Variants in NLRP7 observed in about 807,000 individuals in gnomAD.
The protein encoded by NLRP7 is NLR family pyrin domain containing 7.
A neutral mutation model predicts 85.5 loss-of-function variants in NLRP7; 72 were observed. That is an observed-to-expected ratio of 0.84 (90% CI 0.70 to 1.02). The LOEUF (loss-of-function observed/expected upper bound fraction) is 1.02. NLRP7 is among the 50% of genes least tolerant of loss of function. The pLI is 0.00. For synonymous variants in NLRP7, 550 were observed against 505.2 expected, an observed-to-expected ratio of 1.09 and a Z score of -1.19; for missense variants, 1,243 against 1,219.5, an observed-to-expected ratio of 1.02 and a Z score of -0.29.
intron 9 of NLRP7, among the ~76,000 whole-genome samples, chr19:54,926,060 C>T (rs2068422660): frequency 7.2e-6 from 1 of 139,244 alleles, no homozygotes; most frequent in Admixed American, 7.1e-5. Flanking sequence ...AAGACTCCGT[C>T]TCAAAAAAAA....
intron 1 of NLRP7, among the ~76,000 whole-genome samples, chr19:54,960,026 C>G (rs866901328): frequency 3.3e-5 from 5 of 151,944 alleles, no homozygotes; most frequent in South Asian, 2.1e-4. Flanking sequence ...TCAGTTCATC[C>G]GATACTCTGT....
chr19:54,961,759 C>T (rs957793391), intron 1 of NLRP7, among the ~76,000 whole-genome samples: 30 of 151,504 alleles, frequency 2.0e-4, no homozygotes, highest in African/African-American at 7.0e-4. Flanking sequence ...TTGCAGTGAG[C>T]CGAGACCACA....
At chr19:54,941,748 G>A in exon 2 of NLRP7, 2 of 1,589,092 alleles carry the variant, frequency 1.3e-6, no homozygotes, top group Non-Finnish European at 8.5e-7. Flanking sequence ...TAAGGCTGAA[G>A]AACTGGGGGG....
Position 54,955,066 on chromosome 19 carries a change from G to A in NLRP7, c.-76-7561C>T, listed in dbSNP as rs540636584. ...TTGGTGGCCGGGCGCGGTGGCTCAC[G>A]CCTGCAATCCCAGCACTTTGGGAGG... On this transcript the variant is annotated intron_variant, in intron 1 of 2. Transcript: ENST00000587103. 3.3e-5 allele frequency among the ~76,000 whole-genome samples: 5 copies of A among 152,222 alleles called. No individual in the cohort carries two copies. In the East Asian group the frequency reaches 7.7e-4, roughly 24 times the overall value.
At chr19:54,956,641 C>T (rs1336465737) in intron 1 of NLRP7, among the ~76,000 whole-genome samples, 1 of 150,630 alleles carries the variant, frequency 6.6e-6, no homozygotes, top group East Asian at 2.0e-4. Flanking sequence ...TTGCAGTGAG[C>T]TGAGATTGTG....
chr19:54,945,321 CT>C (rs543680028), intron 1 of NLRP7, among the ~76,000 whole-genome samples: 358 of 150,550 alleles, frequency 2.4e-3, no homozygotes, highest in African/African-American at 7.9e-3. Flanking sequence ...GTCGCCCAGG[CT>C]GGAGTGCAAT....
chr19:54,937,355 T>A (rs2146205920), intron 5 of NLRP7, among the ~76,000 whole-genome samples: 1 of 151,936 alleles, frequency 6.6e-6, no homozygotes, highest in South Asian at 2.1e-4. Flanking sequence ...CCTGTACTTG[T>A]ACCTACTTTT....
intron 9 of NLRP7, among the ~76,000 whole-genome samples, chr19:54,924,094 A>T (rs1016270014): frequency 6.6e-6 from 1 of 152,050 alleles, no homozygotes; most frequent in East Asian, 1.9e-4. Flanking sequence ...CAGGCTCCTG[A>T]GTAACTGTGA....
intron 3 of NLRP7, 93 bp downstream of exon 3, chr19:54,940,838 A>C: frequency 1.1e-6 from 1 of 899,004 alleles, no homozygotes; most frequent in Non-Finnish European, 1.9e-6. Context: ...AAAAAAAAAA[A>C]AACTACCAGA....
chr19:54,952,230 C>CCCCT (rs144485880), upstream of NLRP7, among the ~76,000 whole-genome samples: 3,388 of 152,126 alleles, frequency 0.022, 59 homozygotes, highest in East Asian at 0.04. Flanking sequence ...GAGAACACTG[C>CCCCT]GTCTTCATGC....
chr19:54,935,965 G>A lies in NLRP7; in HGVS notation c.2300+296C>T, dbSNP rs113834585. Among the ~76,000 whole-genome samples the A allele has an allele frequency of 8.4e-3, 1,272 of 152,220 alleles. 6 individuals are homozygous for A. Among genetic ancestry groups the A allele is most frequent in the Middle Eastern group, 0.014 (4 of 294 alleles). On this transcript the variant is annotated intron_variant, in intron 6 of 9. Transcript: ENST00000340844. ...GCCCGCGGTGCAGAAAAGGCTGGGG[G>A]CCACTGCTCTCAATCCCAACAATTA...
In NLRP7 at chr19:54,930,768, T is replaced by A. The variant is rs541773728; in HGVS notation, c.2643-102A>T. The A allele has an allele frequency of 4.2e-6, 4 of 961,492 alleles. No homozygotes were observed. The South Asian group carries it at 5.3e-5, about 13-fold the overall frequency. 59.6% of individuals were successfully genotyped at this position (961,492 alleles called of 1,614,324 possible). On this transcript the variant is annotated intron_variant, in intron 8 of 9. Coordinates refer to ENST00000340844, the Ensembl canonical transcript of NLRP7. ...TATACCTTCCACTTATATACTGGAA[T>A]GCAGTGCTGCACTCTTGGCTCACTG...
chr19:54,965,049 C>T (rs2146301868), intron 1 of NLRP7: 1 of 103,158 alleles, frequency 9.7e-6, no homozygotes, highest in African/African-American at 4.5e-5. Context: ...CTCGAAAGAA[C>T]TCCAGGGTCT....
At chr19:54,941,439 C>T in exon 2 of NLRP7, 6 of 1,432,192 alleles carry the variant, frequency 4.2e-6, no homozygotes, top group Non-Finnish European at 5.9e-6. Context: ...ACTTACCCAT[C>T]ATCTCAGCCT....
intron 5 of NLRP7, among the ~76,000 whole-genome samples, chr19:54,937,503 C>A (rs2146206437): frequency 6.7e-6 from 1 of 148,940 alleles, no homozygotes; most frequent in African/African-American, 2.5e-5. Flanking sequence ...ACAAGCCTGG[C>A]CAAGATGGAG....
At chr19:54,935,965 G>C (rs113834585) in intron 6 of NLRP7, among the ~76,000 whole-genome samples, 1 of 152,220 alleles carries the variant, frequency 6.6e-6, no homozygotes, top group Admixed American at 6.6e-5. Flanking sequence ...AAGGCTGGGG[G>C]CCACTGCTCT....
chr19:54,961,330 G>T (rs922227619), intron 1 of NLRP7, among the ~76,000 whole-genome samples: 1 of 151,848 alleles, frequency 6.6e-6, no homozygotes. Flanking sequence ...GGCCAAGGTG[G>T]TGAAACCCCG....
intron 8 of NLRP7, among the ~76,000 whole-genome samples, chr19:54,932,006 C>A (rs2068700615): frequency 6.6e-6 from 1 of 152,094 alleles, no homozygotes; most frequent in Non-Finnish European, 1.5e-5. Context: ...TTCACTTTCC[C>A]TGTCATTTTA....
At chr19:54,931,994 AT>A (rs2068700251) in intron 8 of NLRP7, among the ~76,000 whole-genome samples, 1 of 152,076 alleles carries the variant, frequency 6.6e-6, no homozygotes, top group African/African-American at 2.4e-5. Context: ...GATTATGGAA[AT>A]TTCACTTTCC....
Sources: allele counts gnomAD v4.1 joint callset (sites outside exome capture counted in the v4.1 genomes callset), GRCh38; gene constraint gnomAD v4.1.1; transcripts MANE v1.5; gene names NCBI Gene and HGNC (gene_info 2026-07-23, HGNC 2026-07-21).